ENTPD1: variants seen among roughly 807,000 people sequenced by gnomAD.
ENTPD1 encodes ectonucleoside triphosphate diphosphohydrolase 1.
In ENTPD1, 33 loss-of-function variants were observed where a neutral mutation model predicts 57.0. That is an observed-to-expected ratio of 0.58 (90% CI 0.44 to 0.77). The LOEUF (loss-of-function observed/expected upper bound fraction) is 0.77. Ranked by LOEUF, ENTPD1 falls within the 30% of genes least tolerant of loss-of-function variation. The probability of loss-of-function intolerance (pLI) is 0.00; values close to 1 mark genes in which losing one functional copy is unlikely to be tolerated. For missense variants in ENTPD1, 501 were observed against 603.4 expected (o/e 0.83, Z 1.78); for synonymous variants, 202 against 218.8 (o/e 0.92, Z 0.68).
chr10:95,731,716 G>T (rs1456152143), intron 1 of ENTPD1, among the ~76,000 whole-genome samples: 1 of 150,482 alleles, frequency 6.6e-6, no homozygotes, highest in African/African-American at 2.4e-5. Context: ...CCCAAATGCT[G>T]AGTGTGTCTA....
At chr10:95,854,346 G>T (rs2098450680) in intron 7 of ENTPD1, among the ~76,000 whole-genome samples, 1 of 152,212 alleles carries the variant, frequency 6.6e-6, no homozygotes, top group East Asian at 1.9e-4. Context: ...AGTCTTGCTA[G>T]CAGTCTATCA....
intron 1 of ENTPD1, among the ~76,000 whole-genome samples, chr10:95,717,852 C>T (rs889025424): frequency 1.1e-4 from 16 of 152,252 alleles, no homozygotes; most frequent in Admixed American, 4.6e-4. Context: ...GCTAGCAGGC[C>T]GGTCCAGGGG....
At chr10:95,804,647 C>T (rs2098264721) in intron 1 of ENTPD1, among the ~76,000 whole-genome samples, 1 of 152,182 alleles carries the variant, frequency 6.6e-6, no homozygotes, top group South Asian at 2.1e-4. Flanking sequence ...GACAATTTGA[C>T]TTTGTCTTTT....
chr10:95,778,798 T>C (rs2098144460), intron 1 of ENTPD1, among the ~76,000 whole-genome samples: 1 of 152,236 alleles, frequency 6.6e-6, no homozygotes, highest in Non-Finnish European at 1.5e-5. Flanking sequence ...TTTTTTTAAC[T>C]GTGTTTTTAA....
intron 1 of ENTPD1, among the ~76,000 whole-genome samples, chr10:95,794,048 G>T (rs1440707731): frequency 6.6e-6 from 1 of 152,128 alleles, no homozygotes; most frequent in African/African-American, 2.4e-5. Flanking sequence ...GGATTTTTAA[G>T]TATACAGTAT....
chr10:95,777,160 C>G (rs536139872), intron 1 of ENTPD1, among the ~76,000 whole-genome samples: 26 of 152,304 alleles, frequency 1.7e-4, no homozygotes, highest in African/African-American at 6.0e-4. Context: ...CTCCATCCAG[C>G]TTTGTTTCTT....
intron 1 of ENTPD1, among the ~76,000 whole-genome samples, chr10:95,782,918 A>T (rs1311663139): frequency 6.6e-6 from 1 of 152,180 alleles, no homozygotes; most frequent in East Asian, 1.9e-4. Context: ...ATACTGAGCT[A>T]GAAGTAGAAG....
intron 8 of ENTPD1, among the ~76,000 whole-genome samples, chr10:95,863,548 G>A (rs2861154): frequency 0.24 from 36,445 of 152,160 alleles, 5,675 homozygotes; most frequent in Admixed American, 0.37. Flanking sequence ...GTGCTGAAAA[G>A]ACAAGCTCCA....
At chr10:95,759,861 C>T (rs538011140) in intron 1 of ENTPD1, among the ~76,000 whole-genome samples, 8 of 152,182 alleles carry the variant, frequency 5.3e-5, no homozygotes, top group Admixed American at 2.0e-4. Context: ...CATCTTCCAG[C>T]TGTGGAAGGA....
chr10:95,760,405 C>A (rs114039056), intron 1 of ENTPD1, among the ~76,000 whole-genome samples: 5,676 of 151,244 alleles, frequency 0.038, 132 homozygotes, highest in Non-Finnish European at 0.05. Context: ...CCCTTTTTTC[C>A]CAAGCTCTGA....
At chr10:95,772,214 T>C (rs778459739) in intron 1 of ENTPD1, among the ~76,000 whole-genome samples, 6 of 152,214 alleles carry the variant, frequency 3.9e-5, no homozygotes, top group Non-Finnish European at 8.8e-5. Flanking sequence ...TTGCTGAAGG[T>C]TGGAGTGGCT....
At chr10:95,844,030 T>C (rs2098428176) in intron 4 of ENTPD1, among the ~76,000 whole-genome samples, 1 of 152,198 alleles carries the variant, frequency 6.6e-6, no homozygotes, top group Admixed American at 6.5e-5. Flanking sequence ...CCACCTGGTT[T>C]CTACTAGAAC....
intron 1 of ENTPD1, among the ~76,000 whole-genome samples, chr10:95,712,957 C>T (rs2097967372): frequency 6.6e-6 from 1 of 151,634 alleles, no homozygotes; most frequent in African/African-American, 2.4e-5. Flanking sequence ...TGGCGTGAAC[C>T]CGGGAGGCGG....
chr10:95,872,545 G>T lies in ENTPD1; in HGVS notation c.*6162G>T. ...TTCCAAGTCAGAATGTCTCTTCCTT[G>T]TGCTACCACAACCCTTTAACTGAGC... On this transcript the variant is annotated 3_prime_UTR_variant, in exon 10 of 10. Coordinates refer to ENST00000371205, the MANE Select transcript of ENTPD1 (RefSeq NM_001776.6). 1 of 985,142 alleles carries T rather than the reference G, an allele frequency of 1.0e-6. No individual in the cohort carries two copies. The highest frequency in any genetic ancestry group is 6.1e-5 in the Admixed American group (1 of 16,278). The allele number at this position is 985,142 out of a possible 1,614,324, so 61.0% of individuals were successfully genotyped here.
chr10:95,792,028 C>A (rs768929321), intron 1 of ENTPD1, among the ~76,000 whole-genome samples: 4 of 151,802 alleles, frequency 2.6e-5, no homozygotes, highest in South Asian at 2.1e-4. Context: ...CCAGAGTTTA[C>A]CAGGAGACAG....
chr10:95,864,905 T>C, intron 9 of ENTPD1, 44 bp downstream of exon 9: 1 of 1,605,078 alleles, frequency 6.2e-7, no homozygotes, highest in Non-Finnish European at 8.5e-7. Flanking sequence ...TGGGGTTCGG[T>C]GGTAGTGACT....
In ENTPD1 at chr10:95,874,556, C is replaced by T. The variant is rs115760449; in HGVS notation, c.*8173C>T. On this transcript the variant is annotated 3_prime_UTR_variant, in exon 10 of 10. Coordinates refer to ENST00000371205, the MANE Select transcript of ENTPD1 (RefSeq NM_001776.6). Reference sequence around the variant, plus strand: ...AGATGCAAGTTGGTGGTTGATCTACCATTCTGGGGTCTACCATTCTGGGGT... The same window carrying T: ...AGATGCAAGTTGGTGGTTGATCTACTATTCTGGGGTCTACCATTCTGGGGT... 0.037 allele frequency among the ~76,000 whole-genome samples: 5,677 copies of T among 152,214 alleles called. 128 individuals are homozygous for T. The highest frequency in any genetic ancestry group is 0.049 in the Non-Finnish European group (3,356 of 67,984).
At position 95,847,686 on chromosome 10, in the gene ENTPD1, C is replaced by T. The variant is rs990415485; in HGVS notation, c.1054C>T (p.Pro352Ser). The T allele has an allele frequency of 6.2e-7, 1 of 1,614,068 alleles. No individual in the cohort carries two copies. The highest frequency in any genetic ancestry group is 1.3e-5 in the African/African-American group (1 of 74,920). ...TGCCTTCAATGGGATTTTCTTGCCACCACTCCAGGGGGATTTTGGGGTAAG... is the reference window on the plus strand; with the variant it reads ...TGCCTTCAATGGGATTTTCTTGCCATCACTCCAGGGGGATTTTGGGGTAAG... ...QCAFNGIFLP[P>S]LQGDFGAFSA... Residue 352 changes from proline to serine, a missense_variant, in exon 7 of 10, where the codon CCA becomes TCA. Coordinates refer to ENST00000371205, the MANE Select transcript of ENTPD1 (RefSeq NM_001776.6).
upstream of ENTPD1, among the ~76,000 whole-genome samples, chr10:95,751,833 C>T (rs538918881): frequency 6.6e-6 from 1 of 152,042 alleles, no homozygotes; most frequent in African/African-American, 2.4e-5. Context: ...CTCTTGACAC[C>T]CAGTAGGTGG....
Sources: gnomAD v4.1 joint callset for allele counts (sites outside exome capture counted in the v4.1 genomes callset) on GRCh38, gnomAD v4.1.1 for gene constraint, MANE v1.5 for transcripts, NCBI Gene and HGNC (gene_info 2026-07-23, HGNC 2026-07-21) for gene names.